NEGR1: variants seen among roughly 807,000 people sequenced by gnomAD.
The protein encoded by NEGR1 is neuronal growth regulator 1.
NEGR1 carries 10 observed loss-of-function variants against 40.9 expected under a neutral mutation model. The observed-to-expected ratio is 0.24, with a 90% CI of 0.15 to 0.42. The LOEUF is 0.42. Among genes scored for constraint, NEGR1 ranks in the 10% least tolerant of loss-of-function variants. The pLI, the probability that NEGR1 is intolerant of heterozygous loss-of-function variation, is 1.00. For missense variants in NEGR1, 352 were observed against 438.9 expected (o/e 0.80, Z 1.77); for synonymous variants, 185 against 166.8 (o/e 1.11, Z -0.84).
At chr1:71,956,292 A>T (rs1646118840) in intron 1 of NEGR1, among the ~76,000 whole-genome samples, 1 of 152,180 alleles carries the variant, frequency 6.6e-6, no homozygotes, top group Non-Finnish European at 1.5e-5. Context: ...ATATATTAAT[A>T]GTTGAATAAA....
intron 4 of NEGR1, among the ~76,000 whole-genome samples, chr1:71,674,608 A>ACACT (rs1181444852): frequency 6.6e-6 from 1 of 151,760 alleles, no homozygotes; most frequent in East Asian, 1.9e-4. Context: ...ACACACACAC[A>ACACT]CACACACACA....
At chr1:72,248,653 T>C (rs1394246258) in intron 1 of NEGR1, among the ~76,000 whole-genome samples, 3 of 150,410 alleles carry the variant, frequency 2.0e-5, no homozygotes, top group Non-Finnish European at 4.4e-5. Flanking sequence ...GGCTGCAGTA[T>C]AGTGGTGCAA....
In NEGR1 at chr1:71,697,254, C is replaced by T. The variant is rs140291982; in HGVS notation, c.667+754G>A. Among the ~76,000 whole-genome samples the T allele has an allele frequency of 8.0e-4, 121 of 151,830 alleles. 2 individuals are homozygous for T. In the East Asian group the frequency reaches 0.021, roughly 26 times the overall value. On this transcript the variant is annotated intron_variant, in intron 4 of 6. Coordinates refer to ENST00000357731, the MANE Select transcript of NEGR1 (RefSeq NM_173808.3). ...GTTTGTAAATACTTTGGGTAAAATA[C>T]AATTATCCCAAAGGTATTTTATTGG...
chr1:71,428,486 G>C (rs1646443639), intron 6 of NEGR1, among the ~76,000 whole-genome samples: 1 of 152,124 alleles, frequency 6.6e-6, no homozygotes, highest in Non-Finnish European at 1.5e-5. Flanking sequence ...TTATATCAAT[G>C]TGCTGTCAGC....
At chr1:71,584,693 A>G (rs546197642) in intron 6 of NEGR1, among the ~76,000 whole-genome samples, 1 of 152,186 alleles carries the variant, frequency 6.6e-6, no homozygotes, top group Non-Finnish European at 1.5e-5. Context: ...GTATGCTCCA[A>G]GAAACTTCTC....
chr1:71,690,945 T>C (rs568364267), intron 4 of NEGR1, among the ~76,000 whole-genome samples: 3 of 152,050 alleles, frequency 2.0e-5, no homozygotes, highest in African/African-American at 7.2e-5. Flanking sequence ...TATTTTTCAC[T>C]TTTAGGAAAA....
intron 1 of NEGR1, among the ~76,000 whole-genome samples, chr1:71,968,840 G>GTT (rs1368026163): frequency 2.0e-5 from 3 of 152,104 alleles, no homozygotes; most frequent in Admixed American, 2.0e-4. Flanking sequence ...GTTTTAGGCA[G>GTT]TAATGCTTTT....
intron 6 of NEGR1, among the ~76,000 whole-genome samples, chr1:71,497,020 T>A (rs1217174938): frequency 6.6e-6 from 1 of 152,182 alleles, no homozygotes; most frequent in African/African-American, 2.4e-5. Flanking sequence ...CATTTATGAA[T>A]CAGATATGCA....
At chr1:71,984,291 T>TA (rs752907939) in intron 1 of NEGR1, among the ~76,000 whole-genome samples, 1 of 150,778 alleles carries the variant, frequency 6.6e-6, no homozygotes, top group Non-Finnish European at 1.5e-5. Flanking sequence ...AACTTTTTTT[T>TA]AATTAAAAAA....
chr1:71,878,691 C>T (rs757505028), intron 2 of NEGR1, among the ~76,000 whole-genome samples: 4 of 152,046 alleles, frequency 2.6e-5, no homozygotes, highest in Non-Finnish European at 5.9e-5. Flanking sequence ...AAAACCAAAT[C>T]AAGGAGCTAA....
At chr1:71,432,078 C>A (rs1646473292) in intron 6 of NEGR1, among the ~76,000 whole-genome samples, 1 of 152,056 alleles carries the variant, frequency 6.6e-6, no homozygotes, top group South Asian at 2.1e-4. Flanking sequence ...GGGACAAGAT[C>A]ATATAGGTCC....
At chr1:71,931,573 A>AG (rs1222204526) in intron 2 of NEGR1, among the ~76,000 whole-genome samples, 7 of 152,268 alleles carry the variant, frequency 4.6e-5, no homozygotes, top group African/African-American at 1.7e-4. Flanking sequence ...AGAAAGCAAG[A>AG]GGGGGCCTAA....
At chr1:72,156,940 T>TG (rs1557554759) in intron 1 of NEGR1, among the ~76,000 whole-genome samples, 2 of 54,374 alleles carry the variant, frequency 3.7e-5, no homozygotes, top group African/African-American at 7.3e-5. Flanking sequence ...CTTGTATGTG[T>TG]TTTGTTGTTG....
chr1:71,579,524 T>C (rs1649063060), intron 6 of NEGR1, among the ~76,000 whole-genome samples: 2 of 151,924 alleles, frequency 1.3e-5, no homozygotes, highest in Admixed American at 1.3e-4. Flanking sequence ...CTTTAAATAA[T>C]TAAGAAGAAT....
At chr1:72,247,864 G>A (rs1570172249) in intron 1 of NEGR1, among the ~76,000 whole-genome samples, 5 of 152,076 alleles carry the variant, frequency 3.3e-5, no homozygotes, top group Admixed American at 2.0e-4. Context: ...GGGCTTAATC[G>A]GCTCACAGTT....
chr1:72,077,596 G>T (rs1569924688), intron 1 of NEGR1, among the ~76,000 whole-genome samples: 1 of 151,570 alleles, frequency 6.6e-6, no homozygotes, highest in Admixed American at 6.6e-5. Context: ...TTGAGACCAG[G>T]CTGGGCAACA....
chr1:72,018,487 T>G (rs1032669037), intron 1 of NEGR1, among the ~76,000 whole-genome samples: 2 of 152,188 alleles, frequency 1.3e-5, no homozygotes, highest in Admixed American at 1.3e-4. Context: ...AACATAAATA[T>G]TATGTACGTT....
intron 2 of NEGR1, among the ~76,000 whole-genome samples, chr1:71,928,195 C>CGTATATAT (rs1316681646): frequency 9.7e-4 from 1 of 1,030 alleles, no homozygotes; most frequent in South Asian, 0.026. Context: ...TATGTATATA[C>CGTATATAT]GTATATATGT....
At chr1:71,928,405 T>C (rs1645816657) in intron 2 of NEGR1, among the ~76,000 whole-genome samples, 1 of 98,842 alleles carries the variant, frequency 1.0e-5, no homozygotes, top group African/African-American at 3.9e-5. Context: ...TGTATATATG[T>C]GTATGTATAT....
Sources: gnomAD v4.1 joint callset for allele counts (sites outside exome capture counted in the v4.1 genomes callset) on GRCh38, gnomAD v4.1.1 for gene constraint, MANE v1.5 for transcripts, NCBI Gene and HGNC (gene_info 2026-07-23, HGNC 2026-07-21) for gene names.